Variants in PML observed in about 807,000 individuals in gnomAD.
PML encodes the protein protein PML.
A neutral mutation model predicts 65.2 loss-of-function variants in PML; 28 were observed. That is an observed-to-expected ratio of 0.43 (90% confidence interval 0.32 to 0.59). The LOEUF (loss-of-function observed/expected upper bound fraction) is 0.59, where lower values mean the gene tolerates loss of function less well. Among genes scored for constraint, PML ranks in the 20% least tolerant of loss-of-function variants. PML has a pLI of 0.08. For synonymous variants in PML, 500 were observed against 508.8 expected (o/e 0.98, Z 0.23); for missense variants, 1,021 against 1,203.4 (o/e 0.85, Z 2.24).
chr15:74,036,941 G>A (rs957460119), intron 7 of PML: 28 of 985,124 alleles, frequency 2.8e-5, no homozygotes, highest in African/African-American at 1.6e-4. Context: ...TCCTACCTTC[G>A]CCTCCCTCCA....
intron 7 of PML, among the ~76,000 whole-genome samples, chr15:74,040,654 G>A (rs575597712): frequency 2.0e-5 from 3 of 152,350 alleles, no homozygotes; most frequent in African/African-American, 7.2e-5. Flanking sequence ...GAGCAGGGGA[G>A]AATTCTGGGT....
Position 74,023,030 on chromosome 15 carries a change from G to A in PML, c.805G>A (p.Gly269Ser). The A allele has an allele frequency of 6.2e-7, 1 of 1,605,512 alleles. No homozygotes were observed. Among genetic ancestry groups the A allele is most frequent in the Non-Finnish European group, 8.5e-7 (1 of 1,178,300 alleles). ...GATGCACGCGGCCGTCGGCCAGCTG[G>A]GCCGCGCGCGTGCCGAGACCGAGGA... ...AQMHAAVGQL[G>S]RARAETEELI... Residue 269 changes from glycine (G) to serine (S), a missense_variant, in exon 3 of 9, where the codon GGC (glycine) becomes AGC (serine). By Grantham distance (56) the Gly-to-Ser change is moderately conservative (BLOSUM62 0). Transcript: ENST00000268058.
intron 4 of PML, chr15:74,026,019 A>C (rs766943702): frequency 1.3e-5 from 2 of 152,318 alleles, no homozygotes; most frequent in Non-Finnish European, 2.9e-5. Flanking sequence ...AGGACTTAAG[A>C]GTCTCAGAGT....
rs775974503 is a variant in PML at position 74,023,084 on chromosome 15, G to A, written c.859G>A (p.Val287Ile). ...ELIRERVRQV[V>I]AHVRAQEREL... ...GATCCGCGAGCGCGTGCGCCAGGTG[G>A]TAGCTCACGTGCGGGCTCAGGAGCG... The change falls in exon 3 of 9, where the codon GTA becomes ATA. Residue 287 changes from valine (V) to isoleucine (I), a missense_variant. Coordinates refer to ENST00000268058, the MANE Select transcript of PML (RefSeq NM_033238.3). The A allele has an allele frequency of 1.4e-5, 23 of 1,602,850 alleles. No homozygotes were observed. The African/African-American group carries it at 2.8e-4, about 20-fold the overall frequency.
intron 3 of PML, 51 bp from the exon 4 acceptor site, chr15:74,024,806 C>A (rs1169647070): frequency 4.6e-6 from 6 of 1,296,212 alleles, no homozygotes; most frequent in South Asian, 1.2e-5. Context: ...GTCAGGATGT[C>A]CCTTACCAGC....
Position 74,023,240 on chromosome 15 carries a change from T to C in PML, c.1015T>C (p.Tyr339His). Reference protein sequence around the residue: ...GSALVQRMKCYASDQEVLDMH... With the variant: ...GSALVQRMKCHASDQEVLDMH... Reference sequence around the variant, plus strand: ...CGCGCTGGTGCAGAGGATGAAGTGCTACGCCTCGGACCAGGAGGTGCTGGA... The same window carrying C: ...CGCGCTGGTGCAGAGGATGAAGTGCCACGCCTCGGACCAGGAGGTGCTGGA... Residue 339 changes from tyrosine (Y) to histidine (H), a missense_variant, in exon 3 of 9, where the codon TAC (tyrosine) becomes CAC (histidine). By Grantham distance (83) the Tyr-to-His change is moderately conservative. Coordinates refer to ENST00000268058, the MANE Select transcript of PML (RefSeq NM_033238.3). The C allele has an allele frequency of 1.2e-6, 2 of 1,611,068 alleles. No individual in the cohort carries two copies. The highest frequency in any genetic ancestry group is 1.7e-6 in the Non-Finnish European group (2 of 1,179,508).
In PML at chr15:74,004,231, T is replaced by G. The variant is rs140565004; in HGVS notation, c.602+5755T>G. ...CTCAAGCAATCCTCCCACCTTGACC[T>G]CCCAAGTAGCCAGGACTACAGGCAC... On this transcript the variant is annotated intron_variant, in intron 2 of 8. Coordinates refer to ENST00000268058, the MANE Select transcript of PML (RefSeq NM_033238.3). Among the ~76,000 whole-genome samples, 516 of 152,320 alleles carry G rather than the reference T, an allele frequency of 3.4e-3. 4 individuals are homozygous for G. The highest frequency in any genetic ancestry group is 0.012 in the African/African-American group (490 of 41,566).
rs896934650 is a variant in PML, at chr15:74,005,424, T to C, written c.602+6948T>C. ...GAACTCCAAGAACATATTTTACATCTTTTAAATTTTTTCCCCATTAATTCT... is the reference window on the plus strand; with the variant it reads ...GAACTCCAAGAACATATTTTACATCCTTTAAATTTTTTCCCCATTAATTCT... On this transcript the variant is annotated intron_variant, in intron 2 of 8. Transcript: ENST00000268058. 3.4e-5 allele frequency among the ~76,000 whole-genome samples: 5 copies of C among 148,658 alleles called. No individual in the cohort carries two copies. The South Asian group carries it at 8.6e-4, about 26-fold the overall frequency.
chr15:74,034,552 C>A (rs2071459681), intron 7 of PML, 22 bp downstream of exon 7: 1 of 1,614,178 alleles, frequency 6.2e-7, no homozygotes, highest in East Asian at 2.2e-5. Flanking sequence ...AGAAGTTCAG[C>A]CCAGGACTCC....
chr15:74,034,547 T>A lies in PML; in HGVS notation c.1710+17T>A. ...GAAAACTCGGTGAGTGGCCCAGAAG[T>A]TCAGCCCAGGACTCCTGCCTCCCCC... On this transcript the variant is annotated intron_variant, in intron 7 of 8. Transcript: ENST00000268058. The A allele has an allele frequency of 6.2e-7, 1 of 1,614,112 alleles. No individual in the cohort carries two copies. Among genetic ancestry groups the A allele is most frequent in the Non-Finnish European group, 8.5e-7 (1 of 1,180,010 alleles).
At chr15:74,013,917 A>G (rs1461052377) in intron 2 of PML, among the ~76,000 whole-genome samples, 1 of 152,226 alleles carries the variant, frequency 6.6e-6, no homozygotes, top group Non-Finnish European at 1.5e-5. Context: ...TCAATACTAT[A>G]TAATTGTAGT....
At chr15:74,038,578 C>T (rs1305430897) in intron 7 of PML, among the ~76,000 whole-genome samples, 1 of 152,104 alleles carries the variant, frequency 6.6e-6, no homozygotes, top group Non-Finnish European at 1.5e-5. Flanking sequence ...GCATTTCTCA[C>T]CCAACTTCTG....
chr15:74,033,565 G>T, intron 6 of PML, 151 bp downstream of exon 6: 1 of 855,806 alleles, frequency 1.2e-6, no homozygotes, highest in Non-Finnish European at 1.9e-6. Flanking sequence ...CACAGTGTGC[G>T]TGGGGGTGAG....
At position 74,044,254 on chromosome 15, in the gene PML, G is replaced by A. The variant is rs574698430; in HGVS notation, c.1895G>A (p.Arg632Gln). ...QKISQLAAVN[R>Q]ESKFRVVIQP... ...ATTAGCCAGCTGGCTGCGGTGAACCGGGAAAGCAAGTTCCGCGTGGTCATC... is the reference window on the plus strand; with the variant it reads ...ATTAGCCAGCTGGCTGCGGTGAACCAGGAAAGCAAGTTCCGCGTGGTCATC... Residue 632 changes from arginine to glutamine, a missense_variant, in exon 9 of 9, where the codon CGG becomes CAG. Transcript: ENST00000268058. The A allele has an allele frequency of 8.0e-5, 129 of 1,613,756 alleles. No homozygotes were observed. Among genetic ancestry groups the A allele is most frequent in the South Asian group, 4.0e-4 (36 of 91,072 alleles).
intron 2 of PML, among the ~76,000 whole-genome samples, chr15:74,020,501 C>T (rs938504039): frequency 1.3e-5 from 2 of 151,900 alleles, no homozygotes; most frequent in African/African-American, 4.8e-5. Context: ...TTCTGGGGAA[C>T]TAACAGTATT....
chr15:73,998,046 C>T lies in PML; in HGVS notation c.172C>T (p.Gln58Ter). The T allele has an allele frequency of 6.2e-7, 1 of 1,613,010 alleles. No homozygotes were observed. The highest frequency in any genetic ancestry group is 1.7e-5 in the Admixed American group (1 of 60,032). Residue 58 changes from glutamine to a stop codon, truncating the protein, a stop_gained, in exon 2 of 9, where the codon CAG (glutamine) becomes TAG (stop). Coordinates refer to ENST00000268058, the MANE Select transcript of PML (RefSeq NM_033238.3). LOFTEE classifies it high-confidence loss of function. ...SEEEFQFLRC[Q>*]QCQAEAKCPK... The stretch of plus-strand genomic sequence containing the variant: ...GGAGGAGTTCCAGTTTCTGCGCTGC[C>T]AGCAATGCCAGGCGGAAGCCAAGTG...
chr15:73,999,639 A>C (rs1332830911), intron 2 of PML, among the ~76,000 whole-genome samples: 1 of 152,102 alleles, frequency 6.6e-6, no homozygotes, highest in East Asian at 1.9e-4. Context: ...GTTTCCGTTG[A>C]GGAATTAAGG....
In PML at chr15:74,034,237, C is replaced by T. The variant is rs976298275; in HGVS notation, c.1658-241C>T. The T allele has an allele frequency of 6.8e-6, 4 of 586,112 alleles. No homozygotes were observed. The East Asian group carries it at 1.2e-4, about 18-fold the overall frequency. The allele number at this position is 586,112 out of a possible 1,614,324, so 36.3% of individuals were successfully genotyped here. On this transcript the variant is annotated intron_variant, in intron 6 of 8. Transcript: ENST00000268058. ...CAAATTCTGAATTCTGGGCAGATAA[C>T]TTAATTGAATATTCATAGATAAGGC...
At position 74,014,655 on chromosome 15, in the gene PML, A is replaced by G. The variant is rs543592547; in HGVS notation, c.603-8173A>G. ...CGGGTGCCTATAGTCCCAGCTACTC[A>G]GTAGGCTGAGGCAGGAGAATCACTT... On this transcript the variant is annotated intron_variant, in intron 2 of 8. Transcript: ENST00000268058. Among the ~76,000 whole-genome samples, 15 of 151,632 alleles carry G rather than the reference A, an allele frequency of 9.9e-5. No homozygotes were observed. The East Asian group carries it at 3.0e-3, about 30-fold the overall frequency.
Sources: gnomAD v4.1 joint callset for allele counts (sites outside exome capture counted in the v4.1 genomes callset) on GRCh38, gnomAD v4.1.1 for gene constraint, MANE v1.5 for transcripts, NCBI Gene and HGNC (gene_info 2026-07-23, HGNC 2026-07-21) for gene names.